Variants in TMTC2 observed in about 807,000 individuals in gnomAD.
TMTC2 encodes protein O-mannosyl-transferase TMTC2.
In TMTC2, 43 loss-of-function variants were observed where a neutral mutation model predicts 82.4. That is an observed-to-expected ratio of 0.52 (90% CI 0.41 to 0.67). The LOEUF (loss-of-function observed/expected upper bound fraction) is 0.67, where lower values mean the gene tolerates loss of function less well. Ranked by LOEUF, TMTC2 falls within the 30% of genes least tolerant of loss-of-function variation. The probability of loss-of-function intolerance (pLI) is 0.00; values close to 1 mark genes in which losing one functional copy is unlikely to be tolerated. For synonymous variants in TMTC2, 408 were observed against 381.9 expected (o/e 1.07, Z -0.80); for missense variants, 919 against 1,012.4 (o/e 0.91, Z 1.25).
chr12:82,979,676 T>C (rs1337484606), intron 7 of TMTC2, among the ~76,000 whole-genome samples: 1 of 151,826 alleles, frequency 6.6e-6, no homozygotes, highest in East Asian at 1.9e-4. Flanking sequence ...TCTCCATACT[T>C]ACTACTACCA....
Position 82,965,678 on chromosome 12 carries a change from C to A in TMTC2, c.1803C>A (p.His601Gln). ...AAAACCTAAAGGACCCTCATGCACA[C>A]AAGAGCTCTGTTACCAGTTGTTTGT... ...PDENLKDPHA[H>Q]KSSVTSCLYN... Residue 601 changes from histidine to glutamine, a missense_variant, in exon 6 of 12, where the codon CAC (histidine) becomes CAA (glutamine). Coordinates refer to ENST00000321196, the MANE Select transcript of TMTC2 (RefSeq NM_152588.3). 6.2e-7 allele frequency: 1 copy of A among 1,613,820 alleles called. No homozygotes were observed. The highest frequency in any genetic ancestry group is 8.5e-7 in the Non-Finnish European group (1 of 1,179,814).
At chr12:82,749,159 G>A (rs1029800624) in intron 1 of TMTC2, among the ~76,000 whole-genome samples, 2 of 152,204 alleles carry the variant, frequency 1.3e-5, no homozygotes, top group African/African-American at 4.8e-5. Flanking sequence ...CTCTTTGACG[G>A]TGGCTCAGAG....
At chr12:82,722,634 C>T (rs905928004) in intron 1 of TMTC2, among the ~76,000 whole-genome samples, 59 of 149,658 alleles carry the variant, frequency 3.9e-4, no homozygotes, top group African/African-American at 8.6e-4. Flanking sequence ...CCCACCTACT[C>T]GGGAGGCTGA....
At chr12:83,125,287 A>G (rs1885069084) in intron 11 of TMTC2, among the ~76,000 whole-genome samples, 1 of 152,198 alleles carries the variant, frequency 6.6e-6, no homozygotes, top group Non-Finnish European at 1.5e-5. Flanking sequence ...AGTAGTGGCT[A>G]TCTGGTTCCC....
intron 8 of TMTC2, among the ~76,000 whole-genome samples, chr12:82,992,703 C>T (rs560774894): frequency 2.6e-5 from 4 of 152,184 alleles, no homozygotes; most frequent in South Asian, 2.1e-4. Flanking sequence ...ATCTCCCTTC[C>T]ACTCCAAATA....
intron 1 of TMTC2, among the ~76,000 whole-genome samples, chr12:82,727,546 C>A (rs544646098): frequency 6.6e-6 from 1 of 151,916 alleles, no homozygotes; most frequent in African/African-American, 2.4e-5. Flanking sequence ...CATGGTGAAA[C>A]CCCATCTCTA....
chr12:83,121,689 C>A (rs1262466345), intron 11 of TMTC2, among the ~76,000 whole-genome samples: 1 of 152,014 alleles, frequency 6.6e-6, no homozygotes, highest in African/African-American at 2.4e-5. Flanking sequence ...TGGGGAGGAA[C>A]AGGCGGTGTG....
chr12:83,123,079 T>G (rs1885005200), intron 11 of TMTC2, among the ~76,000 whole-genome samples: 1 of 152,230 alleles, frequency 6.6e-6, no homozygotes, highest in African/African-American at 2.4e-5. Flanking sequence ...AAACCAAAAC[T>G]GTTGGCATTT....
At chr12:82,737,618 G>A (rs1416076707) in intron 1 of TMTC2, among the ~76,000 whole-genome samples, 2 of 152,152 alleles carry the variant, frequency 1.3e-5, no homozygotes, top group African/African-American at 2.4e-5. Flanking sequence ...GGTTTTGTTT[G>A]TATACATTTT....
chr12:83,113,205 A>G (rs1351461191), intron 11 of TMTC2, among the ~76,000 whole-genome samples: 1 of 152,164 alleles, frequency 6.6e-6, no homozygotes, highest in Non-Finnish European at 1.5e-5. Context: ...ACAGGAAGGT[A>G]AGGACGTAAG....
chr12:82,887,576 G>T (rs920071765), intron 2 of TMTC2, among the ~76,000 whole-genome samples: 4 of 152,068 alleles, frequency 2.6e-5, no homozygotes, highest in Admixed American at 1.3e-4. Flanking sequence ...CATTCCATTA[G>T]TGTGTCAAAA....
At chr12:82,810,904 C>A (rs975654915) in intron 1 of TMTC2, among the ~76,000 whole-genome samples, 1 of 152,086 alleles carries the variant, frequency 6.6e-6, no homozygotes, top group African/African-American at 2.4e-5. Context: ...TTGTAAGTTT[C>A]CCCAGCGATG....
intron 2 of TMTC2, among the ~76,000 whole-genome samples, chr12:82,861,463 A>G (rs1365718208): frequency 6.6e-6 from 1 of 152,182 alleles, no homozygotes; most frequent in Non-Finnish European, 1.5e-5. Context: ...ATGTTACAAG[A>G]CTCATGCAAA....
In TMTC2 at chr12:82,966,944, CAATTCAGAAAATGCCAAGGCAG is replaced by C. The variant is rs1321160396; in HGVS notation, c.1896_1917del (p.Ile633LeufsTer9). 1 of 1,612,800 alleles carries C rather than the reference CAATTCAGAAAATGCCAAGGCAG, an allele frequency of 6.2e-7. No homozygotes were observed. Among genetic ancestry groups the C allele is most frequent in the Admixed American group, 1.7e-5 (1 of 59,926 alleles). ...GAAGCCCTTAGTGTATACAAGGAAG[CAATTCAGAAAATGCCAAGGCAG>C]TTTGCCCCACAGAGCTTGTACAACA... On this transcript the variant is annotated frameshift_variant, in exon 7 of 12. Transcript: ENST00000321196. LOFTEE classifies it high-confidence loss of function.
At chr12:83,011,766 T>C (rs1429200429) in intron 8 of TMTC2, among the ~76,000 whole-genome samples, 1 of 152,224 alleles carries the variant, frequency 6.6e-6, no homozygotes, top group Non-Finnish European at 1.5e-5. Flanking sequence ...TAGTTCCTCA[T>C]TCTTCCAGGT....
chr12:82,903,105 C>T (rs142695222), intron 3 of TMTC2, among the ~76,000 whole-genome samples: 80 of 152,282 alleles, frequency 5.3e-4, no homozygotes, highest in Middle Eastern at 6.8e-3. Flanking sequence ...CTTCTTCCTG[C>T]AATGTGTTCT....
At chr12:82,987,969 C>G (rs1046694208) in intron 8 of TMTC2, among the ~76,000 whole-genome samples, 1 of 151,990 alleles carries the variant, frequency 6.6e-6, no homozygotes, top group Non-Finnish European at 1.5e-5. Context: ...AATTCCGAAG[C>G]CAATAAATTA....
chr12:83,086,625 T>C (rs1883669082), intron 11 of TMTC2, among the ~76,000 whole-genome samples: 1 of 152,144 alleles, frequency 6.6e-6, no homozygotes, highest in Admixed American at 6.5e-5. Flanking sequence ...GTAGAGCAAA[T>C]ATCACAACAG....
intron 1 of TMTC2, among the ~76,000 whole-genome samples, chr12:82,834,621 T>C (rs1439017317): frequency 6.6e-6 from 1 of 152,202 alleles, no homozygotes; most frequent in Non-Finnish European, 1.5e-5. Context: ...GTTTACTGGA[T>C]AAATGAGCCT....
Sources: gnomAD v4.1 joint callset for allele counts (sites outside exome capture counted in the v4.1 genomes callset) on GRCh38, gnomAD v4.1.1 for gene constraint, MANE v1.5 for transcripts, NCBI Gene and HGNC (gene_info 2026-07-23, HGNC 2026-07-21) for gene names.